The following CAMTA1 variants were observed in gnomAD, a reference collection of about 807,000 sequenced individuals.
CAMTA1 encodes calmodulin binding transcription activator 1.
Under a neutral mutation model 170.9 loss-of-function variants are expected in CAMTA1, and 27 were observed. The observed-to-expected ratio is 0.16, with a 90% CI of 0.12 to 0.22. The LOEUF is 0.22. CAMTA1 is among the 10% of genes least tolerant of loss of function. The pLI, the probability that CAMTA1 is intolerant of heterozygous loss-of-function variation, is 1.00. For missense variants in CAMTA1, 1,619 were observed against 2,217.2 expected, an observed-to-expected ratio of 0.73 and a Z score of 5.42; for synonymous variants, 833 against 891.5, an observed-to-expected ratio of 0.93 and a Z score of 1.17.
chr1:7,103,716 C>T (rs188537702), intron 4 of CAMTA1, among the ~76,000 whole-genome samples: 42 of 149,182 alleles, frequency 2.8e-4, no homozygotes, highest in South Asian at 8.5e-4. Flanking sequence ...GTATACATGA[C>T]ACACATGTAC....
intron 7 of CAMTA1, among the ~76,000 whole-genome samples, chr1:7,648,202 T>C (rs2095822770): frequency 6.6e-6 from 1 of 152,134 alleles, no homozygotes; most frequent in Non-Finnish European, 1.5e-5. Context: ...GAGACCAGCC[T>C]GACCATGTGG....
At chr1:7,247,922 C>A (rs11120886) in intron 4 of CAMTA1, among the ~76,000 whole-genome samples, 2 of 152,064 alleles carry the variant, frequency 1.3e-5, no homozygotes, top group Non-Finnish European at 2.9e-5. Context: ...TTGTGACAAG[C>A]GCGTGGAGCC....
intron 3 of CAMTA1, among the ~76,000 whole-genome samples, chr1:6,930,441 T>G (rs1234813819): frequency 6.6e-6 from 1 of 152,196 alleles, no homozygotes; most frequent in Non-Finnish European, 1.5e-5. Context: ...AATTTCTACT[T>G]CAGTCTTTCA....
intron 3 of CAMTA1, among the ~76,000 whole-genome samples, chr1:7,045,952 C>T (rs796903062): frequency 6.6e-5 from 10 of 152,270 alleles, no homozygotes; most frequent in South Asian, 2.1e-4. Flanking sequence ...ATAAAACAGA[C>T]GCATGGTTTA....
At chr1:7,491,127 T>C (rs2093697041) in intron 6 of CAMTA1, among the ~76,000 whole-genome samples, 1 of 152,132 alleles carries the variant, frequency 6.6e-6, no homozygotes, top group South Asian at 2.1e-4. Flanking sequence ...ACATCTGAAC[T>C]CCTCCAAGCT....
intron 5 of CAMTA1, among the ~76,000 whole-genome samples, chr1:7,411,256 G>A (rs759764252): frequency 3.9e-5 from 6 of 152,136 alleles, no homozygotes; most frequent in Admixed American, 2.0e-4. Flanking sequence ...GCCTCCCTGG[G>A]GCATGAGCAG....
intron 5 of CAMTA1, among the ~76,000 whole-genome samples, chr1:7,384,220 C>T (rs979724255): frequency 2.0e-5 from 3 of 152,224 alleles, no homozygotes; most frequent in African/African-American, 7.2e-5. Flanking sequence ...AAAGCACCAC[C>T]TGCAGCACAA....
chr1:7,602,330 A>G (rs2095453734), intron 6 of CAMTA1, among the ~76,000 whole-genome samples: 1 of 151,898 alleles, frequency 6.6e-6, no homozygotes, highest in Non-Finnish European at 1.5e-5. Context: ...CCTCAATTTC[A>G]GAGCCTGTTA....
intron 5 of CAMTA1, among the ~76,000 whole-genome samples, chr1:7,287,198 G>A (rs941020308): frequency 6.6e-6 from 1 of 152,180 alleles, no homozygotes; most frequent in Non-Finnish European, 1.5e-5. Context: ...TTCAGCAGGC[G>A]GGGCAGTGTG....
Position 6,946,460 on chromosome 1 carries a change from A to G in CAMTA1, c.234+121250A>G, listed in dbSNP as rs991419232. 4.6e-5 allele frequency among the ~76,000 whole-genome samples: 7 copies of G among 152,266 alleles called. No individual in the cohort carries two copies. The South Asian group carries it at 1.5e-3, about 32-fold the overall frequency. On this transcript the variant is annotated intron_variant, in intron 3 of 22. Transcript: ENST00000303635. ...TCTTGTCTTAGCCTCACACAGTGCC[A>G]GGATTACAGGGATAAGCCATCTTAA...
At chr1:7,257,080 G>GGGT (rs1553291583) in intron 5 of CAMTA1, among the ~76,000 whole-genome samples, 1 of 150,572 alleles carries the variant, frequency 6.6e-6, no homozygotes, top group Non-Finnish European at 1.5e-5. Flanking sequence ...GCATGGCGGG[G>GGGT]GCGGGGGTTG....
chr1:7,259,899 CTGTT>C (rs1208017765), intron 5 of CAMTA1, among the ~76,000 whole-genome samples: 1 of 152,222 alleles, frequency 6.6e-6, no homozygotes, highest in Non-Finnish European at 1.5e-5. Flanking sequence ...ACTTGCCTGT[CTGTT>C]CACTGCTATA....
At chr1:7,036,917 G>T (rs1254943441) in intron 3 of CAMTA1, among the ~76,000 whole-genome samples, 1 of 152,212 alleles carries the variant, frequency 6.6e-6, no homozygotes, top group Admixed American at 6.5e-5. Flanking sequence ...TGTCTTCGGG[G>T]TTAATTGCGT....
At chr1:7,498,582 CAT>C (rs760496104) in intron 6 of CAMTA1, among the ~76,000 whole-genome samples, 8 of 151,400 alleles carry the variant, frequency 5.3e-5, no homozygotes, top group Admixed American at 1.3e-4. Flanking sequence ...TATGCATGTG[CAT>C]GTGTGTGTAC....
intron 11 of CAMTA1, among the ~76,000 whole-genome samples, chr1:7,718,648 G>A (rs1252107370): frequency 1.4e-5 from 2 of 144,760 alleles, no homozygotes; most frequent in East Asian, 4.2e-4. Flanking sequence ...CTTCTGCCCC[G>A]CCAGGTTCAG....
At chr1:7,591,079 G>C (rs1354848265) in intron 6 of CAMTA1, among the ~76,000 whole-genome samples, 1 of 152,192 alleles carries the variant, frequency 6.6e-6, no homozygotes, top group African/African-American at 2.4e-5. Context: ...ATAATGGGAA[G>C]AGTAACCTGG....
chr1:7,322,505 G>A (rs1417361829), intron 5 of CAMTA1, among the ~76,000 whole-genome samples: 1 of 152,242 alleles, frequency 6.6e-6, no homozygotes, highest in Non-Finnish European at 1.5e-5. Flanking sequence ...AAAACAGATG[G>A]CCACTATGGG....
chr1:7,508,202 TGAA>T (rs1336665108), intron 6 of CAMTA1, among the ~76,000 whole-genome samples: 1 of 152,196 alleles, frequency 6.6e-6, no homozygotes, highest in African/African-American at 2.4e-5. Flanking sequence ...AGCTTGGGCT[TGAA>T]GCAGGGCAGT....
chr1:6,830,880 G>A (rs973690591), intron 3 of CAMTA1, among the ~76,000 whole-genome samples: 4 of 151,952 alleles, frequency 2.6e-5, no homozygotes, highest in African/African-American at 9.7e-5. Context: ...GTGCAGTGGC[G>A]TGATCTCGGC....
Sources: allele counts gnomAD v4.1 joint callset (sites outside exome capture counted in the v4.1 genomes callset), GRCh38; gene constraint gnomAD v4.1.1; transcripts MANE v1.5; gene names NCBI Gene and HGNC (gene_info 2026-07-23, HGNC 2026-07-21).